The following IL1RAPL1 variants were observed in gnomAD, a reference collection of about 807,000 sequenced individuals.
The protein encoded by IL1RAPL1 is interleukin 1 receptor accessory protein like 1, also known as interleukin-1 receptor accessory protein-like 1.
A neutral mutation model predicts 48.4 loss-of-function variants in IL1RAPL1; 3 were observed. That is an observed-to-expected ratio of 0.06 (90% CI 0.03 to 0.16). The LOEUF is 0.16. IL1RAPL1 is among the 10% of genes least tolerant of loss of function. The pLI is 1.00. For missense variants in IL1RAPL1, 349 were observed against 530.6 expected, an observed-to-expected ratio of 0.66 and a Z score of 3.36; for synonymous variants, 185 against 187.7, an observed-to-expected ratio of 0.99 and a Z score of 0.12.
At chrX:29,794,975 C>A (rs1929711413) in intron 6 of IL1RAPL1, among the ~76,000 whole-genome samples, 1 of 111,825 alleles carries the variant, frequency 8.9e-6, no homozygotes, top group African/African-American at 3.3e-5. Context: ...TTTTAGAGTA[C>A]AGATTCTGGA....
chrX:29,574,667 T>C (rs1192531916), intron 5 of IL1RAPL1, among the ~76,000 whole-genome samples: 1 of 111,454 alleles, frequency 9.0e-6, no homozygotes. Flanking sequence ...AGAAAACAGG[T>C]TTTTCTTTTC....
chrX:29,729,479 A>G (rs1348609839), intron 6 of IL1RAPL1, among the ~76,000 whole-genome samples: 1 of 111,387 alleles, frequency 9.0e-6, no homozygotes, highest in Non-Finnish European at 1.9e-5. Context: ...GACTTCAGTG[A>G]TCCTGATTTC....
At chrX:28,992,136 A>T (rs1464168393) in intron 2 of IL1RAPL1, among the ~76,000 whole-genome samples, 3 of 112,084 alleles carry the variant, frequency 2.7e-5, no homozygotes, top group African/African-American at 9.7e-5. Flanking sequence ...CCTGACTCTC[A>T]ATTCAATAAT....
At chrX:29,211,045 A>G (rs1265516608) in intron 2 of IL1RAPL1, among the ~76,000 whole-genome samples, 1 of 111,201 alleles carries the variant, frequency 9.0e-6, no homozygotes, top group African/African-American at 3.3e-5. Flanking sequence ...ACAGTTTATT[A>G]TAACAGTTTA....
At chrX:28,973,831 T>C (rs1000691344) in intron 2 of IL1RAPL1, among the ~76,000 whole-genome samples, 4 of 112,127 alleles carry the variant, frequency 3.6e-5, no homozygotes, top group African/African-American at 6.5e-5. Context: ...GCTTCATTCA[T>C]TTAAAACCTA....
intron 2 of IL1RAPL1, among the ~76,000 whole-genome samples, chrX:29,221,620 TACAC>T (rs35088625): frequency 0.14 from 11,385 of 78,944 alleles, 579 homozygotes; most frequent in Non-Finnish European, 0.16. Context: ...TACACACACA[TACAC>T]ACACACACAC....
chrX:29,522,981 G>A (rs183749547), intron 5 of IL1RAPL1, among the ~76,000 whole-genome samples: 121 of 110,689 alleles, frequency 1.1e-3, no homozygotes, highest in African/African-American at 3.9e-3. Context: ...TCCTTGTAGC[G>A]ACAATTTTAG....
At chrX:29,030,748 A>T (rs1330507653) in intron 2 of IL1RAPL1, among the ~76,000 whole-genome samples, 1 of 111,249 alleles carries the variant, frequency 9.0e-6, no homozygotes, top group East Asian at 2.8e-4. Flanking sequence ...ATCTAGAAAT[A>T]CTCCTATTTG....
intron 2 of IL1RAPL1, among the ~76,000 whole-genome samples, chrX:29,110,924 G>A (rs1480753204): frequency 1.8e-5 from 2 of 110,442 alleles, no homozygotes; most frequent in African/African-American, 6.6e-5. Context: ...AAATCCTCCT[G>A]CATCCCATAG....
intron 6 of IL1RAPL1, among the ~76,000 whole-genome samples, chrX:29,797,350 C>A (rs933249472): frequency 5.4e-5 from 6 of 111,997 alleles, no homozygotes; most frequent in Admixed American, 1.9e-4. Flanking sequence ...TCCTTGGTAT[C>A]TTGCTGACTT....
At chrX:29,618,920 A>G (rs1421265107) in intron 5 of IL1RAPL1, among the ~76,000 whole-genome samples, 4 of 111,725 alleles carry the variant, frequency 3.6e-5, no homozygotes, top group Non-Finnish European at 7.5e-5. Context: ...TCTCAAGTAC[A>G]TTAGCTGCCA....
intron 6 of IL1RAPL1, among the ~76,000 whole-genome samples, chrX:29,905,057 T>A (rs1932580138): frequency 8.9e-6 from 1 of 112,221 alleles, no homozygotes; most frequent in South Asian, 3.7e-4. Flanking sequence ...TACTTAATAA[T>A]CGCCATTCTG....
chrX:29,643,007 C>A (rs1007494257), intron 5 of IL1RAPL1, among the ~76,000 whole-genome samples: 1 of 112,193 alleles, frequency 8.9e-6, no homozygotes, highest in Non-Finnish European at 1.9e-5. Flanking sequence ...GTGTTAACAA[C>A]CCACAGTGGT....
At chrX:29,757,470 A>C (rs1928647385) in intron 6 of IL1RAPL1, among the ~76,000 whole-genome samples, 1 of 112,266 alleles carries the variant, frequency 8.9e-6, no homozygotes, top group Admixed American at 9.5e-5. Flanking sequence ...TGCAAATCGT[A>C]TCAAGAAGGC....
chrX:29,587,421 AAATTTCAATTAGATAGGAAGAGT>A (rs1923213807), intron 5 of IL1RAPL1, among the ~76,000 whole-genome samples: 1 of 110,591 alleles, frequency 9.0e-6, no homozygotes, highest in African/African-American at 3.3e-5. Flanking sequence ...AAAGGGCACA[AAATTTCAATTAGATAGGAAGAGT>A]AAGTTTAAAC....
At chrX:29,632,512 G>A (rs1924812811) in intron 5 of IL1RAPL1, among the ~76,000 whole-genome samples, 1 of 111,708 alleles carries the variant, frequency 9.0e-6, no homozygotes, top group South Asian at 3.7e-4. Flanking sequence ...ATACTGATAT[G>A]TGGGCAGTGG....
rs1046205438 is a variant in IL1RAPL1 at position 29,149,841 on chromosome X, A to G, written c.83-133097A>G. ...GGATTCGTTGATTGTGATGTACTTT[A>G]TGCAGGTTTAGAGGCAAAAACACAT... On this transcript the variant is annotated intron_variant, in intron 2 of 10. Transcript: ENST00000378993. 2.7e-5 allele frequency among the ~76,000 whole-genome samples: 3 copies of G among 111,943 alleles called. No homozygotes were observed. In the Admixed American group the frequency reaches 2.9e-4, roughly 11 times the overall value.
At chrX:28,588,896 C>G (rs1338268367) in intron 1 of IL1RAPL1, among the ~76,000 whole-genome samples, 1 of 111,881 alleles carries the variant, frequency 8.9e-6, no homozygotes, top group South Asian at 3.7e-4. Flanking sequence ...CCTTTTATTG[C>G]AATGCAGCCA....
chrX:28,683,831 C>T (rs1935085413), intron 1 of IL1RAPL1, among the ~76,000 whole-genome samples: 1 of 112,182 alleles, frequency 8.9e-6, no homozygotes, highest in East Asian at 2.8e-4. Flanking sequence ...AGCCAGCAGT[C>T]ACATCAGTCT....
Sources: gnomAD v4.1 joint callset for allele counts (sites outside exome capture counted in the v4.1 genomes callset) on GRCh38, gnomAD v4.1.1 for gene constraint, MANE v1.5 for transcripts, NCBI Gene and HGNC (gene_info 2026-07-23, HGNC 2026-07-21) for gene names.